The following DNAI4 variants were observed in gnomAD, a reference collection of about 807,000 sequenced individuals.
The protein encoded by DNAI4 is dynein axonemal intermediate chain 4, also known as WD repeat domain 78.
In DNAI4, 85 loss-of-function variants were observed where a neutral mutation model predicts 105.8. The ratio of observed to expected loss-of-function variants is 0.80; its 90% CI spans 0.67 to 0.96. The LOEUF is 0.96. Ranked by LOEUF, DNAI4 falls within the 40% of genes least tolerant of loss-of-function variation. The pLI, the probability that DNAI4 is intolerant of heterozygous loss-of-function variation, is 0.00. For synonymous variants in DNAI4, 352 were observed against 331.5 expected (o/e 1.06, Z -0.67); for missense variants, 1,014 against 1,005.6 (o/e 1.01, Z -0.11).
chr1:66,865,901 G>C (rs1444059758), intron 6 of DNAI4, among the ~76,000 whole-genome samples: 1 of 152,168 alleles, frequency 6.6e-6, no homozygotes, highest in African/African-American at 2.4e-5. Flanking sequence ...AAAAAGGGAG[G>C]AGTAAGTTTT....
chr1:66,896,314 T>C (rs1237392355), intron 2 of DNAI4, among the ~76,000 whole-genome samples: 3 of 152,258 alleles, frequency 2.0e-5, no homozygotes, highest in Non-Finnish European at 4.4e-5. Context: ...TGAAATACAA[T>C]AACATAATAT....
At position 66,822,349 on chromosome 1, in the gene DNAI4, CTT is replaced by C; in HGVS notation, c.2496+10_2496+11del. 1 of 1,585,834 alleles carries C rather than the reference CTT, an allele frequency of 6.3e-7. No homozygotes were observed. Among genetic ancestry groups the C allele is most frequent in the Non-Finnish European group, 8.6e-7 (1 of 1,169,252 alleles). On this transcript the variant is annotated intron_variant, in intron 16 of 16. Transcript: ENST00000371026. ...ATAAAATGACACAAATTTTTTTACTCTTGAGTCTTACCCGGCCAGTTTCCAAA... is the reference window on the plus strand; with the variant it reads ...ATAAAATGACACAAATTTTTTTACTCGAGTCTTACCCGGCCAGTTTCCAAA...
Position 66,837,666 on chromosome 1 carries a change from G to C in DNAI4, c.1581+44C>G, listed in dbSNP as rs1462624892. On this transcript the variant is annotated intron_variant, in intron 10 of 16. Transcript: ENST00000371026. ...TAATTATATATTTTATGAGAATTTT[G>C]TCAACAGCCAGATAAAAATGCTTCT... The C allele has an allele frequency of 2.6e-6, 4 of 1,549,006 alleles. No homozygotes were observed. In the East Asian group the frequency reaches 9.1e-5, roughly 35 times the overall value.
intron 1 of DNAI4, among the ~76,000 whole-genome samples, chr1:66,912,254 T>C (rs1649714421): frequency 6.6e-6 from 1 of 151,796 alleles, no homozygotes; most frequent in South Asian, 2.1e-4. Context: ...ACAGATTACT[T>C]GAGGTCAGGA....
rs191496732 is a variant in DNAI4 at position 66,847,579 on chromosome 1, T to C, written c.1196A>G (p.Lys399Arg). Residue 399 changes from lysine to arginine, a missense_variant, in exon 8 of 17, where the codon AAA becomes AGA. Transcript: ENST00000371026. ...CATAAAAAATAAGTCCTGATGAAATTTGTCAGATTTTAATATTGCATCTGA... is the reference window on the plus strand; with the variant it reads ...CATAAAAAATAAGTCCTGATGAAATCTGTCAGATTTTAATATTGCATCTGA... ...DHSDAILKSD[K>R]FHQDLFFMER... 50 of 1,613,994 alleles carry C rather than the reference T, an allele frequency of 3.1e-5. No homozygotes were observed. The East Asian group carries it at 8.7e-4, about 28-fold the overall frequency.
intron 8 of DNAI4, among the ~76,000 whole-genome samples, chr1:66,843,363 C>A (rs188515219): frequency 6.6e-6 from 1 of 151,824 alleles, no homozygotes; most frequent in Non-Finnish European, 1.5e-5. Flanking sequence ...AGGTCTTTTG[C>A]CCATTTTAAT....
At chr1:66,902,401 T>C (rs905977729) in intron 2 of DNAI4, among the ~76,000 whole-genome samples, 6 of 152,194 alleles carry the variant, frequency 3.9e-5, no homozygotes, top group Admixed American at 2.6e-4. Flanking sequence ...GCCCATTCTT[T>C]TAATTGGGCT....
chr1:66,881,902 T>C (rs527261423), intron 4 of DNAI4, among the ~76,000 whole-genome samples: 2 of 152,290 alleles, frequency 1.3e-5, no homozygotes, highest in South Asian at 2.1e-4. Context: ...GTGATTGACT[T>C]ATGGGAGCAG....
At chr1:66,819,833 C>T (rs912935803) in intron 16 of DNAI4, among the ~76,000 whole-genome samples, 10 of 152,040 alleles carry the variant, frequency 6.6e-5, no homozygotes, top group Non-Finnish European at 1.3e-4. Context: ...TCCCAACCAC[C>T]GCAAATTCAG....
intron 4 of DNAI4, among the ~76,000 whole-genome samples, chr1:66,884,764 C>T (rs1041578898): frequency 2.0e-5 from 3 of 152,118 alleles, no homozygotes; most frequent in Admixed American, 6.5e-5. Context: ...CCCCTTCAGA[C>T]CCCAACTGCA....
intron 7 of DNAI4, among the ~76,000 whole-genome samples, chr1:66,856,304 C>G (rs1197968768): frequency 2.0e-5 from 3 of 148,290 alleles, no homozygotes; most frequent in Non-Finnish European, 4.5e-5. Flanking sequence ...CCCGTCTCTA[C>G]TAAAAATACA....
chr1:66,825,651 T>C (rs1645738255), intron 15 of DNAI4, among the ~76,000 whole-genome samples: 1 of 152,216 alleles, frequency 6.6e-6, no homozygotes, highest in African/African-American at 2.4e-5. Flanking sequence ...AAATGTGTTG[T>C]CCTGGGAATT....
chr1:66,913,851 G>A (rs993570620), intron 1 of DNAI4, among the ~76,000 whole-genome samples: 1 of 152,020 alleles, frequency 6.6e-6, no homozygotes, highest in South Asian at 2.1e-4. Flanking sequence ...GCGTGGTGGC[G>A]GGCACCTGTA....
At chr1:66,814,281 C>T (rs917074943) in intron 16 of DNAI4, 101 bp from the exon 17 acceptor site, 1 of 810,312 alleles carries the variant, frequency 1.2e-6, no homozygotes, top group Non-Finnish European at 2.0e-6. Context: ...TAGTGATACA[C>T]ATATCCAATA....
At chr1:66,895,692 A>G (rs1047885006) in intron 2 of DNAI4, among the ~76,000 whole-genome samples, 1 of 152,186 alleles carries the variant, frequency 6.6e-6, no homozygotes, top group Non-Finnish European at 1.5e-5. Flanking sequence ...TTTTATAGAT[A>G]GCCTAAATAA....
chr1:66,836,167 A>G (rs1018641300), intron 10 of DNAI4, among the ~76,000 whole-genome samples: 4 of 51,600 alleles, frequency 7.8e-5, no homozygotes, highest in African/African-American at 1.3e-4. Flanking sequence ...AAAGAAAGAA[A>G]GAAAGAAAGA....
intron 2 of DNAI4, among the ~76,000 whole-genome samples, chr1:66,903,199 G>A (rs574267769): frequency 4.5e-4 from 69 of 152,236 alleles, no homozygotes; most frequent in Admixed American, 2.4e-3. Flanking sequence ...GTTTACTGGT[G>A]TATTCTTTCC....
At chr1:66,916,791 T>C (rs1650103723) in intron 1 of DNAI4, among the ~76,000 whole-genome samples, 1 of 152,164 alleles carries the variant, frequency 6.6e-6, no homozygotes, top group Non-Finnish European at 1.5e-5. Context: ...TTATAGTTTA[T>C]AAAATTTTGA....
chr1:66,906,223 A>G (rs776547461), intron 1 of DNAI4, among the ~76,000 whole-genome samples: 1 of 151,988 alleles, frequency 6.6e-6, no homozygotes. Context: ...GCCCTTTTTA[A>G]TAAGAAGAGA....
Sources: allele counts gnomAD v4.1 joint callset (sites outside exome capture counted in the v4.1 genomes callset), GRCh38; gene constraint gnomAD v4.1.1; transcripts MANE v1.5; gene names NCBI Gene and HGNC (gene_info 2026-07-23, HGNC 2026-07-21).